C12orf42: variants seen among roughly 807,000 people sequenced by gnomAD.
The protein encoded by C12orf42 is chromosome 12 open reading frame 42.
Under a neutral mutation model 21.6 loss-of-function variants are expected in C12orf42, and 25 were observed. That is an observed-to-expected ratio of 1.16 (90% CI 0.84 to 1.62). C12orf42 has a LOEUF of 1.62. Ranked by LOEUF, C12orf42 falls within the 40% of genes most tolerant of loss-of-function variation. C12orf42 has a pLI of 0.00. For synonymous variants in C12orf42, 174 were observed against 175.0 expected, an observed-to-expected ratio of 0.99 and a Z score of 0.05; for missense variants, 483 against 459.3, an observed-to-expected ratio of 1.05 and a Z score of -0.47.
At chr12:103,413,073 G>T (rs2048985687) in intron 2 of C12orf42, among the ~76,000 whole-genome samples, 1 of 152,108 alleles carries the variant, frequency 6.6e-6, no homozygotes, top group Non-Finnish European at 1.5e-5. Flanking sequence ...GTTGTCTTCT[G>T]GATTTTTATG....
At chr12:103,415,115 G>C (rs890031758) in intron 2 of C12orf42, among the ~76,000 whole-genome samples, 7 of 151,490 alleles carry the variant, frequency 4.6e-5, no homozygotes, top group African/African-American at 1.5e-4. Flanking sequence ...AAAGAGTAGA[G>C]ACAGCTATTC....
intron 4 of C12orf42, among the ~76,000 whole-genome samples, chr12:103,335,008 C>A (rs1306842826): frequency 6.6e-6 from 1 of 152,132 alleles, no homozygotes; most frequent in African/African-American, 2.4e-5. Flanking sequence ...GAGTCCACAG[C>A]ATTTAGGAAT....
At chr12:103,416,835 T>A (rs994254142) in intron 2 of C12orf42, among the ~76,000 whole-genome samples, 3 of 152,192 alleles carry the variant, frequency 2.0e-5, no homozygotes, top group African/African-American at 7.2e-5. Flanking sequence ...CCTTGAATAG[T>A]ATGCTTCAAA....
At chr12:103,173,971 T>C in the C12orf42 span, among the ~76,000 whole-genome samples, 1 of 152,180 alleles carries the variant, frequency 6.6e-6, no homozygotes, top group Non-Finnish European at 1.5e-5. Context: ...TTGGATCAAC[T>C]TGCCCCACAT....
At chr12:103,085,334 T>A in the C12orf42 span, among the ~76,000 whole-genome samples, 1 of 152,186 alleles carries the variant, frequency 6.6e-6, no homozygotes, top group Non-Finnish European at 1.5e-5. Flanking sequence ...CTTTCATTTT[T>A]CACTGTTGCT....
At chr12:103,183,037 A>G in the C12orf42 span, among the ~76,000 whole-genome samples, 293 of 152,310 alleles carry the variant, frequency 1.9e-3, 1 homozygote, top group African/African-American at 6.0e-3. Flanking sequence ...GTATTTTGTG[A>G]AAGAATTTGT....
the C12orf42 span, among the ~76,000 whole-genome samples, chr12:103,124,155 CTTTTTTTTTTTTTTTT>C: frequency 5.3e-5 from 4 of 75,968 alleles, no homozygotes; most frequent in Non-Finnish European, 7.6e-5. Flanking sequence ...CAAACATAAG[CTTTTTTTTTTTTTTTT>C]TTTTTTTTTT....
chr12:103,549,188 A>G, the C12orf42 span, among the ~76,000 whole-genome samples: 1 of 152,078 alleles, frequency 6.6e-6, no homozygotes, highest in Admixed American at 6.5e-5. Context: ...TTCCTTCTCT[A>G]TTTCTATCAC....
intron 10 of C12orf42, among the ~76,000 whole-genome samples, chr12:103,239,483 G>A (rs1593189403): frequency 6.6e-6 from 1 of 151,932 alleles, no homozygotes; most frequent in East Asian, 1.9e-4. Context: ...CACAATTTTG[G>A]TTGCAACTGG....
chr12:103,414,525 C>T (rs2049134942), intron 2 of C12orf42, among the ~76,000 whole-genome samples: 1 of 152,124 alleles, frequency 6.6e-6, no homozygotes, highest in Non-Finnish European at 1.5e-5. Flanking sequence ...AATCTATGAG[C>T]ATGGAATATT....
chr12:103,503,351 C>T, the C12orf42 span: 1 of 152,464 alleles, frequency 6.6e-6, no homozygotes, highest in Non-Finnish European at 1.5e-5. Context: ...AGGTCACAGT[C>T]CTCGTTCCGC....
At chr12:103,107,705 A>G in the C12orf42 span, among the ~76,000 whole-genome samples, 1 of 151,912 alleles carries the variant, frequency 6.6e-6, no homozygotes, top group Admixed American at 6.6e-5. Context: ...GAAATGAATA[A>G]CATTGTAAAT....
the C12orf42 span, among the ~76,000 whole-genome samples, chr12:103,220,584 A>G: frequency 6.6e-6 from 1 of 152,228 alleles, no homozygotes. Flanking sequence ...AGCTGTGTCA[A>G]AATGCCAGTT....
At chr12:103,435,481 G>A (rs1438372413) in intron 2 of C12orf42, among the ~76,000 whole-genome samples, 1 of 152,102 alleles carries the variant, frequency 6.6e-6, no homozygotes. Context: ...CAAACCAAAG[G>A]CAAAGAAGTT....
chr12:103,270,408 A>G (rs2035396443), intron 5 of C12orf42: 1 of 151,868 alleles, frequency 6.6e-6, no homozygotes, highest in African/African-American at 2.4e-5. Flanking sequence ...AAAATTGTAA[A>G]CACACTTCAA....
the C12orf42 span, among the ~76,000 whole-genome samples, chr12:103,516,277 T>G: frequency 6.6e-6 from 1 of 152,246 alleles, no homozygotes; most frequent in East Asian, 1.9e-4. Flanking sequence ...ATTTTGTTTC[T>G]ATAAAAATTA....
intron 4 of C12orf42, among the ~76,000 whole-genome samples, chr12:103,289,569 C>A (rs1243195166): frequency 6.6e-6 from 1 of 151,872 alleles, no homozygotes; most frequent in Non-Finnish European, 1.5e-5. Flanking sequence ...GTGAAATTTG[C>A]AAATAATTAA....
the C12orf42 span, among the ~76,000 whole-genome samples, chr12:103,551,096 T>C: frequency 9.9e-5 from 15 of 152,284 alleles, 2 homozygotes; most frequent in South Asian, 2.9e-3. Context: ...TTAGCTGTTA[T>C]AGCTTCACTT....
chr12:103,244,704 T>A (rs2033928288), intron 10 of C12orf42, among the ~76,000 whole-genome samples: 1 of 152,088 alleles, frequency 6.6e-6, no homozygotes, highest in Non-Finnish European at 1.5e-5. Flanking sequence ...TCCAAGGCCA[T>A]ACATCTAACT....
Sources: allele counts gnomAD v4.1 joint callset (sites outside exome capture counted in the v4.1 genomes callset), GRCh38; gene constraint gnomAD v4.1.1; transcripts MANE v1.5; gene names NCBI Gene and HGNC (gene_info 2026-07-23, HGNC 2026-07-21).